Variants in SH3BP2 observed in about 807,000 individuals in gnomAD.
The protein encoded by SH3BP2 is SH3 domain-binding protein 2.
SH3BP2 carries 38 observed loss-of-function variants against 56.2 expected under a neutral mutation model. The ratio of observed to expected loss-of-function variants is 0.68; its 90% CI spans 0.52 to 0.89. The LOEUF is 0.89. Among genes scored for constraint, SH3BP2 ranks in the 40% least tolerant of loss-of-function variants. SH3BP2 has a pLI of 0.00. For synonymous variants in SH3BP2, 346 were observed against 316.7 expected (o/e 1.09, Z -0.98); for missense variants, 748 against 762.6 (o/e 0.98, Z 0.23).
chr4:2,815,638 A>G (rs1723960412), intron 1 of SH3BP2, among the ~76,000 whole-genome samples: 1 of 152,184 alleles, frequency 6.6e-6, no homozygotes, highest in South Asian at 2.1e-4. Context: ...ACTTTGACAC[A>G]CAGGCCAGGT....
In SH3BP2 at chr4:2,831,534, G is replaced by A. The variant is rs1327361626; in HGVS notation, c.1242-37G>A. The A allele has an allele frequency of 1.3e-6, 2 of 1,505,518 alleles. No individual in the cohort carries two copies. Among genetic ancestry groups the A allele is most frequent in the Non-Finnish European group, 1.8e-6 (2 of 1,104,376 alleles). The allele number at this position is 1,505,518 out of a possible 1,614,324, so 93.3% of individuals were successfully genotyped here. On this transcript the variant is annotated intron_variant, in intron 8 of 12. Coordinates refer to ENST00000503393, the MANE Select transcript of SH3BP2 (RefSeq NM_001122681.2). The surrounding 1 kb of genome is among the most constrained non-coding windows in gnomAD (Gnocchi z 4.1). ...GAGGGTGGCCGCCCCGTGTCTGACA[G>A]TGAAATGGTCCTGCCTTCCTCTCCC...
rs1047922233 is a variant in SH3BP2 at position 2,829,106 on chromosome 4, C to T, written c.587-387C>T. On this transcript the variant is annotated intron_variant, in intron 7 of 12. Coordinates refer to ENST00000503393, the MANE Select transcript of SH3BP2 (RefSeq NM_001122681.2). The surrounding 1 kb of genome is among the most constrained non-coding windows in gnomAD (Gnocchi z 4.9). ...CTGAGCAAACACGGGCCTTCACCTT[C>T]CTCCCAGCTGCTCCCCTCCCCTGTC... Among the ~76,000 whole-genome samples the T allele has an allele frequency of 1.3e-5, 2 of 152,194 alleles. No homozygotes were observed. The highest frequency in any genetic ancestry group is 4.8e-5 in the African/African-American group (2 of 41,430).
At chr4:2,825,027 T>C (rs1029139357) in intron 4 of SH3BP2, 99 bp from the exon 5 acceptor site, 19 of 1,172,790 alleles carry the variant, frequency 1.6e-5, no homozygotes, top group Non-Finnish European at 2.2e-5. Context: ...CCTCTGACCT[T>C]GGGAGTCACA....
Position 2,829,542 on chromosome 4 carries a change from C to T in SH3BP2, c.636C>T (p.Pro212=). 7 of 1,613,644 alleles carry T rather than the reference C, an allele frequency of 4.3e-6. No individual in the cohort carries two copies. The highest frequency in any genetic ancestry group is 1.1e-5 in the South Asian group (1 of 91,086). ...PAYPPPPVPT[P]RKPAFSDMPR... ...ACCCACCACCCCCAGTGCCCACGCC[C>T]AGGAAGCCAGCCTTCTCTGACATGC... Residue 212 remains proline (P), a synonymous_variant, in exon 8 of 13, where the codon CCC becomes CCT. Coordinates refer to ENST00000503393, the MANE Select transcript of SH3BP2 (RefSeq NM_001122681.2). The surrounding 1 kb of genome is among the most constrained non-coding windows in gnomAD (Gnocchi z 4.9).
intron 1 of SH3BP2, among the ~76,000 whole-genome samples, chr4:2,808,721 G>C (rs1439303456): frequency 6.6e-6 from 1 of 152,044 alleles, no homozygotes; most frequent in Non-Finnish European, 1.5e-5. Flanking sequence ...CTTATTTTGA[G>C]AGCTTGAGAT....
At chr4:2,826,684 T>G (rs111066691) in intron 5 of SH3BP2, 33,709 of 335,958 alleles carry the variant, frequency 0.1, 2,549 homozygotes, top group African/African-American at 0.27. Flanking sequence ...GTGCATGTCC[T>G]CATGTTGCTC....
chr4:2,802,528 ATGTATG>A (rs951796705), intron 1 of SH3BP2, among the ~76,000 whole-genome samples: 10 of 78,956 alleles, frequency 1.3e-4, no homozygotes, highest in African/African-American at 5.7e-4. Context: ...GTATATATAT[ATGTATG>A]TGTGTGTGTG....
chr4:2,819,231 A>G lies in SH3BP2; in HGVS notation c.-4-1383A>G, dbSNP rs1724168964. Among the ~76,000 whole-genome samples the G allele has an allele frequency of 4.6e-5, 7 of 152,000 alleles. No homozygotes were observed. In the South Asian group the frequency reaches 1.2e-3, roughly 27 times the overall value. The stretch of plus-strand genomic sequence containing the variant: ...GCCACTGCGTCCGGCTATTTTATTT[A>G]TTTATAGAGACAGTGTCTCACTTTG... On this transcript the variant is annotated intron_variant, in intron 1 of 12. Transcript: ENST00000503393.
Position 2,829,580 on chromosome 4 carries a change from C to G in SH3BP2, c.674C>G (p.Ser225Cys), listed in dbSNP as rs1724858201. The G allele has an allele frequency of 6.2e-6, 10 of 1,612,888 alleles. No individual in the cohort carries two copies. In the East Asian group the frequency reaches 2.2e-4, roughly 36 times the overall value. ...PAFSDMPRAH[S>C]FTSKGPGPLL... The stretch of plus-strand genomic sequence containing the variant: ...TTCTCTGACATGCCCCGGGCCCACT[C>G]CTTTACCTCCAAGGGCCCCGGTCCC... The change falls in exon 8 of 13, where the codon TCC (serine) becomes TGC (cysteine). Residue 225 changes from serine to cysteine, a missense_variant. Ser to Cys is a moderately radical substitution (Grantham distance 112, BLOSUM62 -1). Transcript: ENST00000503393. This position sits in a 1 kb window ranked among gnomAD's most constrained non-coding sequence, Gnocchi z 4.9.
At chr4:2,830,248 G>A (rs187794918) in intron 8 of SH3BP2, 101 bp downstream of exon 8, 1 of 1,165,746 alleles carries the variant, frequency 8.6e-7, no homozygotes, top group Non-Finnish European at 1.2e-6. Context: ...GGCACTCTTA[G>A]CCCACGACGG....
chr4:2,827,406 G>A (rs1724728524), intron 6 of SH3BP2, 88 bp downstream of exon 6: 18 of 1,349,542 alleles, frequency 1.3e-5, no homozygotes, highest in Admixed American at 3.4e-5. Context: ...AGGTGTGTTC[G>A]GCTGTGCTCC....
chr4:2,794,850 G>A (rs991030255), intron 1 of SH3BP2, among the ~76,000 whole-genome samples: 11 of 152,168 alleles, frequency 7.2e-5, no homozygotes, highest in African/African-American at 2.4e-4. Flanking sequence ...AGGGATGCAC[G>A]CACACAAGCA....
At chr4:2,818,392 T>G in intron 1 of SH3BP2, 1 of 1,170,434 alleles carries the variant, frequency 8.5e-7, no homozygotes, top group Non-Finnish European at 1.1e-6. Context: ...GTGGACGCCG[T>G]GAGTACCGAG....
chr4:2,818,915 A>G (rs1330192578), intron 1 of SH3BP2: 1 of 984,604 alleles, frequency 1.0e-6, no homozygotes, highest in Non-Finnish European at 1.2e-6. Flanking sequence ...AAAAGCAGAG[A>G]GTATTTTTCT....
intron 1 of SH3BP2, among the ~76,000 whole-genome samples, chr4:2,814,498 GCACACA>G (rs34086288): frequency 1.3e-5 from 2 of 151,462 alleles, no homozygotes; most frequent in African/African-American, 4.8e-5. Context: ...ATGTGCATGT[GCACACA>G]CACACACACA....
chr4:2,826,885 G>A (rs1199244132), intron 5 of SH3BP2: 11 of 504,218 alleles, frequency 2.2e-5, no homozygotes, highest in African/African-American at 7.7e-5. Context: ...ACATGTCTGC[G>A]CGTGTCCCTG....
In SH3BP2 at chr4:2,831,805, AG is replaced by A; in HGVS notation, c.1351-113del. On this transcript the variant is annotated intron_variant, in intron 9 of 12. Coordinates refer to ENST00000503393, the MANE Select transcript of SH3BP2 (RefSeq NM_001122681.2). This position sits in a 1 kb window ranked among gnomAD's most constrained non-coding sequence, Gnocchi z 4.1. ...GGACCCCCCGAGAACCCGGGAGCCT[AG>A]GGGGACACAGCACCATGTAAAGCCC... 1 of 1,359,726 alleles carries A rather than the reference AG, an allele frequency of 7.4e-7. No homozygotes were observed. The highest frequency in any genetic ancestry group is 1.0e-6 in the Non-Finnish European group (1 of 969,620). 84.2% of individuals were successfully genotyped at this position (1,359,726 alleles called of 1,614,324 possible).
chr4:2,829,793 G>T lies in SH3BP2; in HGVS notation c.887G>T (p.Cys296Phe). Residue 296 changes from cysteine (C) to phenylalanine (F), a missense_variant, in exon 8 of 13, where the codon TGC becomes TTC. This residue lies in a region of SH3BP2 where 635 missense variants were observed against 615.0 expected (regional missense o/e 1.03). Coordinates refer to ENST00000503393, the MANE Select transcript of SH3BP2 (RefSeq NM_001122681.2). The surrounding 1 kb of genome is among the most constrained non-coding windows in gnomAD (Gnocchi z 4.9). Reference sequence around the variant, plus strand: ...GCACCCGGCCTCCGGAAACCCCCTTGCTTCCGGGAGAGTGCCAGCCCCAGC... The same window carrying T: ...GCACCCGGCCTCCGGAAACCCCCTTTCTTCCGGGAGAGTGCCAGCCCCAGC... ...PTAPGLRKPPCFRESASPSPE... is the reference protein window; with the variant it reads ...PTAPGLRKPPFFRESASPSPE... The T allele has an allele frequency of 6.2e-7, 1 of 1,613,238 alleles. No homozygotes were observed. Among genetic ancestry groups the T allele is most frequent in the Non-Finnish European group, 8.5e-7 (1 of 1,179,950 alleles).
intron 1 of SH3BP2, among the ~76,000 whole-genome samples, chr4:2,804,963 C>T (rs1300726206): frequency 1.3e-5 from 2 of 152,252 alleles, no homozygotes; most frequent in Non-Finnish European, 2.9e-5. Flanking sequence ...AGAGCTGGCG[C>T]ACTCAGAACA....
Sources: allele counts gnomAD v4.1 joint callset (sites outside exome capture counted in the v4.1 genomes callset), GRCh38; gene constraint gnomAD v4.1.1; regional missense constraint gnomAD v4.1.1; non-coding constraint Gnocchi (gnomAD v3.1); transcripts MANE v1.5; gene names NCBI Gene and HGNC (gene_info 2026-07-23, HGNC 2026-07-21).